Variants in BRINP3 observed in about 807,000 individuals in gnomAD.
BRINP3 encodes the protein BMP/retinoic acid-inducible neural-specific protein 3.
Under a neutral mutation model 71.0 loss-of-function variants are expected in BRINP3, and 19 were observed. The ratio of observed to expected loss-of-function variants is 0.27; its 90% CI spans 0.19 to 0.39. BRINP3 has a LOEUF of 0.39. BRINP3 is among the 10% of genes least tolerant of loss of function. BRINP3 has a pLI of 1.00. For missense variants in BRINP3, 959 were observed against 940.8 expected (o/e 1.02, Z -0.25); for synonymous variants, 380 against 337.7 (o/e 1.13, Z -1.37).
chr1:190,253,025 G>A (rs1262938010), intron 4 of BRINP3, among the ~76,000 whole-genome samples: 1 of 151,988 alleles, frequency 6.6e-6, no homozygotes, highest in East Asian at 1.9e-4. Context: ...AGAACATATG[G>A]TGTTTGGTTT....
At chr1:190,380,942 TA>T in intron 2 of BRINP3, among the ~76,000 whole-genome samples, 1 of 152,260 alleles carries the variant, frequency 6.6e-6, no homozygotes, top group Middle Eastern at 3.4e-3. Context: ...TTATGATATT[TA>T]CAAATCTCTA....
intron 6 of BRINP3, among the ~76,000 whole-genome samples, chr1:190,185,478 C>T (rs1301331411): frequency 6.6e-6 from 1 of 151,940 alleles, no homozygotes; most frequent in East Asian, 1.9e-4. Context: ...GTCACAAACC[C>T]ACATTTTAAG....
chr1:190,121,266 T>C (rs1297780357), intron 7 of BRINP3, among the ~76,000 whole-genome samples: 2 of 152,156 alleles, frequency 1.3e-5, no homozygotes, highest in Non-Finnish European at 2.9e-5. Flanking sequence ...TGTGTTTTAT[T>C]ATTTGGGGAT....
intron 7 of BRINP3, among the ~76,000 whole-genome samples, chr1:190,149,793 T>G (rs1369916437): frequency 6.6e-6 from 1 of 152,184 alleles, no homozygotes; most frequent in African/African-American, 2.4e-5. Context: ...ACCTGAGATT[T>G]GATCTTTTGT....
At chr1:190,390,249 G>A (rs1232695126) in intron 2 of BRINP3, among the ~76,000 whole-genome samples, 1 of 151,704 alleles carries the variant, frequency 6.6e-6, no homozygotes, top group African/African-American at 2.4e-5. Context: ...TCAGAGGTTG[G>A]AGGAAAGAGA....
At chr1:190,469,936 T>G (rs1420615842) in intron 1 of BRINP3, among the ~76,000 whole-genome samples, 1 of 151,094 alleles carries the variant, frequency 6.6e-6, no homozygotes, top group Non-Finnish European at 1.5e-5. Context: ...TTTAATCACA[T>G]TTTTTAGACT....
intron 2 of BRINP3, among the ~76,000 whole-genome samples, chr1:190,294,037 G>C (rs551060746): frequency 4.6e-5 from 7 of 151,886 alleles, no homozygotes; most frequent in Non-Finnish European, 8.8e-5. Flanking sequence ...TGTTGTTATT[G>C]GTAGGTAAGG....
chr1:190,200,823 C>G (rs1322957181), intron 6 of BRINP3, among the ~76,000 whole-genome samples: 1 of 152,024 alleles, frequency 6.6e-6, no homozygotes, highest in East Asian at 1.9e-4. Flanking sequence ...CTGCCGCCAT[C>G]CACATAAGAT....
chr1:190,199,060 CA>C (rs2102603193), intron 6 of BRINP3, among the ~76,000 whole-genome samples: 1 of 152,060 alleles, frequency 6.6e-6, no homozygotes, highest in South Asian at 2.1e-4. Context: ...GTCAAAGAAG[CA>C]AAGACACATC....
At chr1:190,321,369 T>C (rs1666227190) in intron 2 of BRINP3, among the ~76,000 whole-genome samples, 1 of 152,120 alleles carries the variant, frequency 6.6e-6, no homozygotes, top group African/African-American at 2.4e-5. Flanking sequence ...ATGTTTCTAA[T>C]TCTCTTCGAT....
chr1:190,349,170 A>C (rs1668211022), intron 2 of BRINP3, among the ~76,000 whole-genome samples: 2 of 152,114 alleles, frequency 1.3e-5, no homozygotes, highest in South Asian at 2.1e-4. Context: ...CCAGAAAATG[A>C]CAGCTGCCTT....
At chr1:190,309,957 A>G (rs1366376666) in intron 2 of BRINP3, among the ~76,000 whole-genome samples, 1 of 151,776 alleles carries the variant, frequency 6.6e-6, no homozygotes, top group Non-Finnish European at 1.5e-5. Flanking sequence ...AACTTCAATT[A>G]CCAGATTTCA....
chr1:190,334,790 T>C (rs1457536731), intron 2 of BRINP3, among the ~76,000 whole-genome samples: 1 of 151,818 alleles, frequency 6.6e-6, no homozygotes, highest in Non-Finnish European at 1.5e-5. Flanking sequence ...GTGAAAATGC[T>C]GTAGTGGTTC....
chr1:190,160,542 A>C lies in BRINP3; in HGVS notation c.1184+126T>G, dbSNP rs962016018. The C allele has an allele frequency of 9.9e-6, 7 of 708,814 alleles. No homozygotes were observed. The African/African-American group carries it at 1.3e-4, about 13-fold the overall frequency. The allele number at this position is 708,814 out of a possible 1,614,324, so 43.9% of individuals were successfully genotyped here. A position where few individuals can be genotyped will look rare whatever the true frequency, so the allele number is the denominator to read the frequency against. ...TTATTTGAGACAATATATTGTTTTC[A>C]AATTATCTCTAATAGTATAAATTAG... On this transcript the variant is annotated intron_variant, in intron 7 of 7. Coordinates refer to ENST00000367462, the MANE Select transcript of BRINP3 (RefSeq NM_199051.3).
chr1:190,112,001 G>A (rs1404306407), intron 7 of BRINP3, among the ~76,000 whole-genome samples: 1 of 152,088 alleles, frequency 6.6e-6, no homozygotes, highest in Non-Finnish European at 1.5e-5. Flanking sequence ...AAGCCAAGCA[G>A]GCCATATAGT....
intron 6 of BRINP3, among the ~76,000 whole-genome samples, chr1:190,191,980 A>G (rs1413032744): frequency 1.3e-5 from 2 of 152,116 alleles, no homozygotes; most frequent in Admixed American, 1.3e-4. Flanking sequence ...GATATACTTA[A>G]TGTTTATACA....
At chr1:190,124,696 A>C (rs976839445) in intron 7 of BRINP3, among the ~76,000 whole-genome samples, 4 of 152,098 alleles carry the variant, frequency 2.6e-5, no homozygotes, top group African/African-American at 9.7e-5. Flanking sequence ...GTGGGTGTAA[A>C]ATATTTTGAA....
rs139968661 is a variant in BRINP3, at chr1:190,260,647, T to C, written c.618+4218A>G. Among the ~76,000 whole-genome samples, 177 of 152,206 alleles carry C rather than the reference T, an allele frequency of 1.2e-3. 1 individual carries two copies. Among genetic ancestry groups the C allele is most frequent in the African/African-American group, 4.2e-3 (173 of 41,560 alleles). Reference sequence around the variant, plus strand: ...CAAATAATTTACTTATCAAAACTGCTTCTTGGAAAAGTATTGTCATGTTTA... The same window carrying C: ...CAAATAATTTACTTATCAAAACTGCCTCTTGGAAAAGTATTGTCATGTTTA... On this transcript the variant is annotated intron_variant, in intron 4 of 7. Transcript: ENST00000367462.
chr1:190,337,301 G>GATA (rs1249698201), intron 2 of BRINP3, among the ~76,000 whole-genome samples: 1 of 152,018 alleles, frequency 6.6e-6, no homozygotes, highest in Non-Finnish European at 1.5e-5. Context: ...TGGACTCTGT[G>GATA]ATGGTTACTA....
Sources: gnomAD v4.1 joint callset for allele counts (sites outside exome capture counted in the v4.1 genomes callset) on GRCh38, gnomAD v4.1.1 for gene constraint, MANE v1.5 for transcripts, NCBI Gene and HGNC (gene_info 2026-07-23, HGNC 2026-07-21) for gene names.